Variants in BABAM2 observed in about 807,000 individuals in gnomAD.
BABAM2 encodes BRISC and BRCA1-A complex member 2.
BABAM2 carries 31 observed loss-of-function variants against 54.7 expected under a neutral mutation model. That is an observed-to-expected ratio of 0.57 (90% confidence interval 0.43 to 0.77). BABAM2 has a LOEUF of 0.77. Ranked by LOEUF, BABAM2 falls within the 30% of genes least tolerant of loss-of-function variation. The pLI, the probability that BABAM2 is intolerant of heterozygous loss-of-function variation, is 0.00. For missense variants in BABAM2, 364 were observed against 455.8 expected (o/e 0.80, Z 1.83); for synonymous variants, 167 against 162.9 (o/e 1.03, Z -0.19).
intron 2 of BABAM2, among the ~76,000 whole-genome samples, chr2:27,918,654 C>T (rs1449230892): frequency 4.6e-5 from 7 of 152,100 alleles, no homozygotes; most frequent in Non-Finnish European, 1.0e-4. Flanking sequence ...TTAGAATCTG[C>T]CTTTCAGATT....
intron 7 of BABAM2, among the ~76,000 whole-genome samples, chr2:28,230,814 AT>A (rs540818061): frequency 3.3e-5 from 5 of 151,012 alleles, no homozygotes; most frequent in East Asian, 1.9e-4. Context: ...ACTATGAATG[AT>A]TTTTTTTTAG....
intron 4 of BABAM2, among the ~76,000 whole-genome samples, chr2:28,007,119 T>C (rs1368662067): frequency 6.6e-6 from 1 of 152,008 alleles, no homozygotes; most frequent in Non-Finnish European, 1.5e-5. Context: ...ATATTGTAGC[T>C]GTATAGCAGA....
intron 2 of BABAM2, among the ~76,000 whole-genome samples, chr2:27,929,546 A>T (rs1330832878): frequency 2.0e-5 from 3 of 152,234 alleles, no homozygotes; most frequent in Non-Finnish European, 4.4e-5. Flanking sequence ...CCTAATTTTA[A>T]AAGTCGAGAT....
intron 7 of BABAM2, among the ~76,000 whole-genome samples, chr2:28,232,384 A>C (rs1681492814): frequency 1.3e-5 from 2 of 152,216 alleles, no homozygotes; most frequent in Non-Finnish European, 2.9e-5. Context: ...TTTCTAAGTC[A>C]AAATAAAAAC....
chr2:27,897,594 C>T (rs1665438670), intron 2 of BABAM2, among the ~76,000 whole-genome samples: 2 of 151,632 alleles, frequency 1.3e-5, no homozygotes. Flanking sequence ...TATAAATCAA[C>T]TCTCATCCTT....
intron 7 of BABAM2, among the ~76,000 whole-genome samples, chr2:28,194,613 T>C (rs6547836): frequency 0.99 from 136,369 of 137,764 alleles, 67,520 homozygotes; most frequent in Middle Eastern, 1. Flanking sequence ...GAGTCTTGCT[T>C]CACTTGTACC....
chr2:28,027,269 T>A (rs964217456), intron 5 of BABAM2, among the ~76,000 whole-genome samples: 1 of 151,918 alleles, frequency 6.6e-6, no homozygotes, highest in Admixed American at 6.6e-5. Context: ...TCTACTAATG[T>A]TATGTTCTCA....
At chr2:28,265,844 T>C (rs1684938298) in intron 10 of BABAM2, among the ~76,000 whole-genome samples, 1 of 152,242 alleles carries the variant, frequency 6.6e-6, no homozygotes, top group South Asian at 2.1e-4. Flanking sequence ...ACCTAATTTT[T>C]TAAATACACA....
intron 7 of BABAM2, among the ~76,000 whole-genome samples, chr2:28,230,560 C>CA (rs35644487): frequency 0.84 from 119,125 of 142,288 alleles, 50,445 homozygotes; most frequent in East Asian, 0.99. Context: ...ACTAAAAATA[C>CA]AAAAAAAAAA....
chr2:28,322,705 T>A lies in BABAM2; in HGVS notation c.1089-15745T>A, dbSNP rs568494355. ...CGATGCTTAGGCCAGGCCTTGAGGG[T>A]GGGTAGGTGTCAGGTAGGTGGGAGA... is the stretch of plus-strand genomic sequence containing the variant. On this transcript the variant is annotated intron_variant, in intron 11 of 11. Coordinates refer to ENST00000379624, the MANE Select transcript of BABAM2 (RefSeq NM_199191.3). The surrounding 1 kb of genome is among the most constrained non-coding windows in gnomAD (Gnocchi z 4.1). 3.3e-5 allele frequency among the ~76,000 whole-genome samples: 5 copies of A among 152,042 alleles called. No homozygotes were observed. In the East Asian group the frequency reaches 9.7e-4, roughly 30 times the overall value.
At chr2:28,131,583 A>C (rs915228734) in intron 7 of BABAM2, among the ~76,000 whole-genome samples, 3 of 151,994 alleles carry the variant, frequency 2.0e-5, no homozygotes, top group Non-Finnish European at 4.4e-5. Flanking sequence ...AATAATACCT[A>C]TTTCTTAGTG....
chr2:28,007,728 A>G (rs1674077066), intron 4 of BABAM2, among the ~76,000 whole-genome samples: 1 of 152,034 alleles, frequency 6.6e-6, no homozygotes, highest in African/African-American at 2.4e-5. Flanking sequence ...TTACTTTCTT[A>G]TTTTAAGTGT....
chr2:28,076,458 A>ATT (rs1664675128), intron 6 of BABAM2, among the ~76,000 whole-genome samples: 4 of 140,134 alleles, frequency 2.9e-5, no homozygotes, highest in African/African-American at 1.0e-4. Flanking sequence ...TTTTTATTTT[A>ATT]TATTTATTTA....
intron 5 of BABAM2, among the ~76,000 whole-genome samples, chr2:28,036,185 T>C (rs1459845483): frequency 6.6e-6 from 1 of 152,174 alleles, no homozygotes; most frequent in East Asian, 1.9e-4. Flanking sequence ...TGGACAAGTG[T>C]TGTCCAAGGA....
chr2:27,920,323 G>A, intron 2 of BABAM2, among the ~76,000 whole-genome samples: 1 of 148,134 alleles, frequency 6.8e-6, no homozygotes, highest in South Asian at 2.1e-4. Flanking sequence ...CAGTTCAGAT[G>A]CCTTTGCAGA....
chr2:28,046,285 T>A (rs575684016), intron 6 of BABAM2, among the ~76,000 whole-genome samples: 1 of 152,128 alleles, frequency 6.6e-6, no homozygotes, highest in African/African-American at 2.4e-5. Flanking sequence ...TGAAACCCTG[T>A]CTCTACTAAA....
chr2:28,254,326 G>A (rs12618742), intron 10 of BABAM2, among the ~76,000 whole-genome samples: 6,309 of 152,126 alleles, frequency 0.041, 186 homozygotes, highest in Non-Finnish European at 0.059. Flanking sequence ...TTGTAGATAC[G>A]GTGTTTGACT....
At chr2:28,193,713 G>A (rs1177357202) in intron 7 of BABAM2, among the ~76,000 whole-genome samples, 1 of 152,170 alleles carries the variant, frequency 6.6e-6, no homozygotes, top group Non-Finnish European at 1.5e-5. Flanking sequence ...TGTAACAGAT[G>A]ATGTCACTAA....
At chr2:28,209,485 A>G (rs1220996911) in intron 7 of BABAM2, among the ~76,000 whole-genome samples, 2 of 152,234 alleles carry the variant, frequency 1.3e-5, no homozygotes, top group East Asian at 3.9e-4. Context: ...CTTGATAAGG[A>G]ACAGTAATAA....
Sources: allele counts gnomAD v4.1 joint callset (sites outside exome capture counted in the v4.1 genomes callset), GRCh38; gene constraint gnomAD v4.1.1; non-coding constraint Gnocchi (gnomAD v3.1); transcripts MANE v1.5; gene names NCBI Gene and HGNC (gene_info 2026-07-23, HGNC 2026-07-21).